ADAMTSL3: variants seen among roughly 807,000 people sequenced by gnomAD.
The protein encoded by ADAMTSL3 is ADAMTS-like protein 3.
In ADAMTSL3, 128 loss-of-function variants were observed where a neutral mutation model predicts 201.7. That is an observed-to-expected ratio of 0.63 (90% CI 0.55 to 0.73). ADAMTSL3 has a LOEUF of 0.73. ADAMTSL3 is among the 30% of genes least tolerant of loss of function. ADAMTSL3 has a pLI of 0.00. For synonymous variants in ADAMTSL3, 738 were observed against 748.4 expected (o/e 0.99, Z 0.23); for missense variants, 1,990 against 2,119.6 (o/e 0.94, Z 1.20).
intron 4 of ADAMTSL3, 113 bp downstream of exon 4, chr15:83,773,763 C>T (rs916407101): frequency 2.3e-5 from 31 of 1,357,590 alleles, no homozygotes; most frequent in African/African-American, 1.5e-4. Context: ...GATGGTGTAA[C>T]GTTTGCTTTG....
intron 17 of ADAMTSL3, among the ~76,000 whole-genome samples, chr15:83,940,196 T>C (rs2066532165): frequency 6.6e-6 from 1 of 152,248 alleles, no homozygotes; most frequent in South Asian, 2.1e-4. Flanking sequence ...TGTGATTTCT[T>C]CTTTGGCCCA....
chr15:83,827,229 T>A (rs187642599), intron 6 of ADAMTSL3, among the ~76,000 whole-genome samples: 5,320 of 152,312 alleles, frequency 0.035, 289 homozygotes, highest in African/African-American at 0.12. Context: ...GGTATCTCAT[T>A]GTGGTTTTGA....
rs1427135222 is a variant in ADAMTSL3, at chr15:83,988,755, T to C, written c.3781T>C (p.Tyr1261His). Residue 1261 changes from tyrosine to histidine, a missense_variant, in exon 22 of 30, where the codon TAT (tyrosine) becomes CAT (histidine). Tyr to His is a moderately conservative substitution (Grantham distance 83). Transcript: ENST00000286744. ...QNPTRKEQGIYECSVANHLGS... is the reference protein window; with the variant it reads ...QNPTRKEQGIHECSVANHLGS... ...TCCTACAAGGAAAGAACAAGGCATA[T>C]ATGAATGTTCTGTAGCTAATCATCT... is the stretch of plus-strand genomic sequence containing the variant. The C allele has an allele frequency of 2.5e-6, 4 of 1,609,894 alleles. No homozygotes were observed. Among genetic ancestry groups the C allele is most frequent in the Middle Eastern group, 1.7e-4 (1 of 6,046 alleles).
intron 3 of ADAMTSL3, among the ~76,000 whole-genome samples, chr15:83,773,104 T>G (rs2063011419): frequency 6.6e-6 from 1 of 152,152 alleles, no homozygotes; most frequent in Non-Finnish European, 1.5e-5. Context: ...ATGCAGTCAT[T>G]CCAAAGCTAA....
rs942367876 is a variant in ADAMTSL3, at chr15:83,759,157, C to G, written c.190-14366C>G. ...ATAGAGAAATAGAAAAGTTAAGAGA[C>G]TAGTATAATAAACTCATGTGTACCC... On this transcript the variant is annotated intron_variant, in intron 3 of 29. Coordinates refer to ENST00000286744, the MANE Select transcript of ADAMTSL3 (RefSeq NM_207517.3). Among the ~76,000 whole-genome samples the G allele has an allele frequency of 1.6e-4, 25 of 151,924 alleles. No individual in the cohort carries two copies. In the Middle Eastern group the frequency reaches 0.014, roughly 84 times the overall value.
At chr15:83,899,874 T>C in intron 15 of ADAMTSL3, 143 bp downstream of exon 15, 3 of 1,169,558 alleles carry the variant, frequency 2.6e-6, no homozygotes, top group Non-Finnish European at 3.5e-6. Context: ...TTGAGCTGGC[T>C]AGAATTTTTC....
chr15:83,839,174 C>T (rs2064329223), intron 7 of ADAMTSL3, among the ~76,000 whole-genome samples: 1 of 152,054 alleles, frequency 6.6e-6, no homozygotes, highest in South Asian at 2.1e-4. Context: ...TGAGTTCCGC[C>T]AAAGATTTGA....
At chr15:83,735,403 A>C (rs1469019506) in intron 3 of ADAMTSL3, among the ~76,000 whole-genome samples, 2 of 152,182 alleles carry the variant, frequency 1.3e-5, no homozygotes, top group Non-Finnish European at 2.9e-5. Flanking sequence ...TTAACAAGGA[A>C]AAAGTTACTG....
At chr15:83,735,813 C>G (rs141228783) in intron 3 of ADAMTSL3, among the ~76,000 whole-genome samples, 1 of 151,904 alleles carries the variant, frequency 6.6e-6, no homozygotes, top group Non-Finnish European at 1.5e-5. Flanking sequence ...GTTTAACACA[C>G]GTAAAATAAA....
intron 3 of ADAMTSL3, among the ~76,000 whole-genome samples, chr15:83,751,309 A>G (rs1365068712): frequency 2.0e-5 from 3 of 152,230 alleles, no homozygotes; most frequent in African/African-American, 7.2e-5. Context: ...GACAAAAAGA[A>G]AAACCAATAT....
chr15:83,697,444 G>A (rs181902250), intron 2 of ADAMTSL3, among the ~76,000 whole-genome samples: 24 of 152,186 alleles, frequency 1.6e-4, no homozygotes, highest in Non-Finnish European at 2.5e-4. Flanking sequence ...CCCTTCACAC[G>A]CCAATCTCAA....
chr15:83,745,980 G>A (rs897822919), intron 3 of ADAMTSL3, among the ~76,000 whole-genome samples: 2 of 152,044 alleles, frequency 1.3e-5, no homozygotes, highest in Admixed American at 6.5e-5. Flanking sequence ...CAGCTGCAGG[G>A]AACATAATGC....
At position 83,943,014 on chromosome 15, in the gene ADAMTSL3, G is replaced by A; in HGVS notation, c.2422G>A (p.Ala808Thr). The A allele has an allele frequency of 1.2e-6, 2 of 1,614,122 alleles. No homozygotes were observed. Among genetic ancestry groups the A allele is most frequent in the Non-Finnish European group, 1.7e-6 (2 of 1,179,976 alleles). Residue 808 changes from alanine (A) to threonine (T), a missense_variant, in exon 19 of 30, where the codon GCA becomes ACA. By Grantham distance (58) the Ala-to-Thr change is moderately conservative. Transcript: ENST00000286744. ...AGATGAATTGTGCCAAGGACCCAAG[G>A]CATCGTCTCACAAGTCCTGTGCCAG... is the stretch of plus-strand genomic sequence containing the variant. ...LSDELCQGPK[A>T]SSHKSCARTD...
intron 3 of ADAMTSL3, among the ~76,000 whole-genome samples, chr15:83,734,941 A>G (rs1223104676): frequency 2.0e-5 from 3 of 152,110 alleles, no homozygotes; most frequent in Non-Finnish European, 2.9e-5. Flanking sequence ...CACCGACAGA[A>G]AGTAGGGAAC....
intron 2 of ADAMTSL3, among the ~76,000 whole-genome samples, chr15:83,672,175 T>C (rs1053252652): frequency 6.6e-6 from 1 of 152,200 alleles, no homozygotes; most frequent in Non-Finnish European, 1.5e-5. Flanking sequence ...TAGAGAATTC[T>C]GAGGGTTGGT....
intron 17 of ADAMTSL3, among the ~76,000 whole-genome samples, chr15:83,940,166 A>G (rs1316859051): frequency 6.6e-6 from 1 of 152,210 alleles, no homozygotes; most frequent in African/African-American, 2.4e-5. Context: ...GTGCATTTAA[A>G]AATACTATTT....
At chr15:83,916,154 C>G (rs2066028574) in intron 16 of ADAMTSL3, among the ~76,000 whole-genome samples, 1 of 152,138 alleles carries the variant, frequency 6.6e-6, no homozygotes, top group Admixed American at 6.5e-5. Flanking sequence ...GTCAGAAATG[C>G]AATGCAGTAT....
chr15:83,862,495 T>C (rs1031589943), intron 8 of ADAMTSL3: 15 of 152,114 alleles, frequency 9.9e-5, no homozygotes, highest in African/African-American at 3.1e-4. Context: ...ATTTTCAACC[T>C]AGAATTTCAT....
chr15:84,036,923 G>C lies in ADAMTSL3; in HGVS notation c.4905G>C (p.Lys1635Asn). The C allele has an allele frequency of 6.2e-7, 1 of 1,614,134 alleles. No homozygotes were observed. The highest frequency in any genetic ancestry group is 1.1e-5 in the South Asian group (1 of 91,076). ...CAAGGAGTTGCAAACCTGTGGCCAA[G>C]AGACACTGTGTACAGAAAAAGAAAC... ...IHTRSCKPVA[K>N]RHCVQKKKPI... is the part of the protein sequence containing the mutation. Residue 1635 changes from lysine to asparagine, a missense_variant, in exon 29 of 30, where the codon AAG (lysine) becomes AAC (asparagine). Coordinates refer to ENST00000286744, the MANE Select transcript of ADAMTSL3 (RefSeq NM_207517.3).
Sources: allele counts gnomAD v4.1 joint callset (sites outside exome capture counted in the v4.1 genomes callset), GRCh38; gene constraint gnomAD v4.1.1; transcripts MANE v1.5; gene names NCBI Gene and HGNC (gene_info 2026-07-23, HGNC 2026-07-21).